Variants in ZC3H18 observed in about 807,000 individuals in gnomAD.
The protein encoded by ZC3H18 is zinc finger CCCH-type containing 18.
In ZC3H18, 8 loss-of-function variants were observed where a neutral mutation model predicts 106.1. That is an observed-to-expected ratio of 0.08 (90% CI 0.04 to 0.14). The LOEUF (loss-of-function observed/expected upper bound fraction) is 0.14. ZC3H18 is among the 10% of genes least tolerant of loss of function. The pLI is 1.00. For missense variants in ZC3H18, 1,318 were observed against 1,278.4 expected (o/e 1.03, Z -0.47); for synonymous variants, 635 against 522.1 (o/e 1.22, Z -2.95).
intron 2 of ZC3H18, among the ~76,000 whole-genome samples, chr16:88,578,798 A>G (rs577162432): frequency 6.6e-6 from 1 of 152,144 alleles, no homozygotes; most frequent in Admixed American, 6.5e-5. Flanking sequence ...TCAGGCAATT[A>G]TCCTGCCTCA....
intron 9 of ZC3H18, 124 bp from the exon 10 acceptor site, chr16:88,623,095 G>A (rs1034338106): frequency 1.2e-5 from 16 of 1,386,942 alleles, no homozygotes; most frequent in Non-Finnish European, 1.5e-5. Flanking sequence ...GCGCGCGTGC[G>A]CAGCTGTGCG....
intron 5 of ZC3H18, among the ~76,000 whole-genome samples, chr16:88,599,059 G>A (rs934668869): frequency 1.3e-5 from 2 of 152,182 alleles, no homozygotes; most frequent in African/African-American, 4.8e-5. Context: ...TCAGGCAGCA[G>A]CCCAGTAGGC....
intron 6 of ZC3H18, 56 bp from the exon 7 acceptor site, chr16:88,608,878 C>CT (rs1365123643): frequency 6.9e-7 from 1 of 1,441,154 alleles, no homozygotes; most frequent in Non-Finnish European, 9.7e-7. Context: ...TTCGTGTGGT[C>CT]TTTTTACGCC....
At chr16:88,576,288 C>T (rs1305502565) in intron 1 of ZC3H18, among the ~76,000 whole-genome samples, 1 of 152,050 alleles carries the variant, frequency 6.6e-6, no homozygotes, top group East Asian at 1.9e-4. Flanking sequence ...ATGATCCTCC[C>T]GTTGCAACCT....
At position 88,627,597 on chromosome 16, in the gene ZC3H18, TG is replaced by T; in HGVS notation, c.2109-23del. Reference sequence around the variant, plus strand: ...CCCTCCCTCCAGTCTGGCTGGGGTGTGGTGAGATGTGCTTGTGTGTCCAGGT... The same window carrying T: ...CCCTCCCTCCAGTCTGGCTGGGGTGTGTGAGATGTGCTTGTGTGTCCAGGT... On this transcript the variant is annotated intron_variant, in intron 13 of 17. Transcript: ENST00000301011. This position sits in a 1 kb window ranked among gnomAD's most constrained non-coding sequence, Gnocchi z 4.5. 2 of 1,580,258 alleles carry T rather than the reference TG, an allele frequency of 1.3e-6. No homozygotes were observed. The highest frequency in any genetic ancestry group is 1.7e-6 in the Non-Finnish European group (2 of 1,156,940).
intron 6 of ZC3H18, among the ~76,000 whole-genome samples, chr16:88,606,340 T>G (rs1173318527): frequency 6.6e-6 from 1 of 152,262 alleles, no homozygotes; most frequent in Non-Finnish European, 1.5e-5. Context: ...CTAGAACGCA[T>G]GCTGCGGAGC....
At chr16:88,628,943 C>T in intron 16 of ZC3H18, 89 bp downstream of exon 16, 1 of 1,331,574 alleles carries the variant, frequency 7.5e-7, no homozygotes. Flanking sequence ...TTGCTCTTAA[C>T]AAGTAGGAGG....
chr16:88,572,381 G>A (rs1047081802), intron 1 of ZC3H18, among the ~76,000 whole-genome samples: 5 of 151,974 alleles, frequency 3.3e-5, no homozygotes, highest in African/African-American at 7.2e-5. Flanking sequence ...TCGGCTCACC[G>A]CAACCTCCTC....
At chr16:88,597,451 G>A (rs1197103680) in intron 3 of ZC3H18, among the ~76,000 whole-genome samples, 1 of 152,030 alleles carries the variant, frequency 6.6e-6, no homozygotes, top group Non-Finnish European at 1.5e-5. Context: ...TGCCATATTT[G>A]GTTTTAAACA....
Position 88,628,836 on chromosome 16 carries a change from A to C in ZC3H18, c.2548A>C (p.Asn850His). ...GAGCCCTCCTCCAGCCAAGCGGCCCAACACATCCCCAGACCGAGGTGAGCC... is the reference window on the plus strand; with the variant it reads ...GAGCCCTCCTCCAGCCAAGCGGCCCCACACATCCCCAGACCGAGGTGAGCC... The part of the protein sequence containing the change: ...RQSPPPAKRP[N>H]TSPDRGSRDR... The change falls in exon 16 of 18, where the codon AAC (asparagine) becomes CAC (histidine). Residue 850 changes from asparagine to histidine, a missense_variant. Physicochemically the swap from Asn to His is moderately conservative, Grantham distance 68. This residue lies in a region of ZC3H18 where 848 missense variants were observed against 821.7 expected (regional missense o/e 1.03). Coordinates refer to ENST00000301011, the MANE Select transcript of ZC3H18 (RefSeq NM_144604.4). 2 of 1,614,056 alleles carry C rather than the reference A, an allele frequency of 1.2e-6. No individual in the cohort carries two copies. Among genetic ancestry groups the C allele is most frequent in the South Asian group, 1.1e-5 (1 of 91,086 alleles).
intron 8 of ZC3H18, among the ~76,000 whole-genome samples, chr16:88,614,788 C>T (rs1369656200): frequency 6.6e-6 from 1 of 152,242 alleles, no homozygotes; most frequent in Non-Finnish European, 1.5e-5. Flanking sequence ...GATAGAAGCC[C>T]TTCCCCTACA....
chr16:88,594,137 T>A (rs1288801884), intron 3 of ZC3H18, among the ~76,000 whole-genome samples: 2 of 152,104 alleles, frequency 1.3e-5, no homozygotes, highest in Non-Finnish European at 2.9e-5. Flanking sequence ...CAGCGGCCCT[T>A]CATGGTCGAT....
At chr16:88,607,757 C>T (rs967233993) in intron 6 of ZC3H18, among the ~76,000 whole-genome samples, 1 of 149,806 alleles carries the variant, frequency 6.7e-6, no homozygotes, top group African/African-American at 2.5e-5. Context: ...CCCATTTATT[C>T]ACACACACTT....
chr16:88,618,929 A>T (rs887644772), intron 8 of ZC3H18, among the ~76,000 whole-genome samples: 6 of 151,764 alleles, frequency 4.0e-5, no homozygotes, highest in African/African-American at 1.2e-4. Flanking sequence ...CTTGTGAAGG[A>T]GCTGAGCCGC....
At chr16:88,592,132 C>T (rs1038586645) in intron 3 of ZC3H18, among the ~76,000 whole-genome samples, 1 of 152,192 alleles carries the variant, frequency 6.6e-6, no homozygotes, top group Non-Finnish European at 1.5e-5. Flanking sequence ...ATTTTACTTT[C>T]CCACCAGTGG....
chr16:88,624,382 C>T (rs1052862385), intron 11 of ZC3H18: 12 of 742,716 alleles, frequency 1.6e-5, no homozygotes, highest in Non-Finnish European at 2.6e-5. Context: ...TAGCTCTTGC[C>T]TGTTAGAGGG....
At chr16:88,602,466 C>T (rs367737822) in intron 6 of ZC3H18, among the ~76,000 whole-genome samples, 14 of 152,186 alleles carry the variant, frequency 9.2e-5, no homozygotes, top group East Asian at 7.7e-4. Context: ...GCCACATCTG[C>T]CCCCAGCAGC....
At chr16:88,625,072 C>T (rs1906217017) in intron 12 of ZC3H18, 130 bp from the exon 13 acceptor site, 6 of 1,106,764 alleles carry the variant, frequency 5.4e-6, no homozygotes, top group African/African-American at 1.6e-5. Context: ...AAGACAGGCC[C>T]AGGCCCTGTT....
At chr16:88,610,175 A>G (rs1408122609) in intron 7 of ZC3H18, among the ~76,000 whole-genome samples, 1 of 152,168 alleles carries the variant, frequency 6.6e-6, no homozygotes, top group Non-Finnish European at 1.5e-5. Context: ...TTGATGAGTT[A>G]TGTGCTTCAG....
Sources: allele counts gnomAD v4.1 joint callset (sites outside exome capture counted in the v4.1 genomes callset), GRCh38; gene constraint gnomAD v4.1.1; regional missense constraint gnomAD v4.1.1; non-coding constraint Gnocchi (gnomAD v3.1); transcripts MANE v1.5; gene names NCBI Gene and HGNC (gene_info 2026-07-23, HGNC 2026-07-21).